The following ZMYND11 variants were observed in gnomAD, a reference collection of about 807,000 sequenced individuals.
ZMYND11 encodes zinc finger MYND-type containing 11.
Under a neutral mutation model 84.9 loss-of-function variants are expected in ZMYND11, and 9 were observed. The ratio of observed to expected loss-of-function variants is 0.11; its 90% CI spans 0.06 to 0.18. ZMYND11 has a LOEUF of 0.18. Among genes scored for constraint, ZMYND11 ranks in the 10% least tolerant of loss-of-function variants. The pLI, the probability that ZMYND11 is intolerant of heterozygous loss-of-function variation, is 1.00. For missense variants in ZMYND11, 409 were observed against 761.0 expected, an observed-to-expected ratio of 0.54 and a Z score of 5.44; for synonymous variants, 250 against 244.1, an observed-to-expected ratio of 1.02 and a Z score of -0.23.
chr10:170,614 G>A (rs892085695), intron 1 of ZMYND11, among the ~76,000 whole-genome samples: 10 of 152,026 alleles, frequency 6.6e-5, no homozygotes, highest in South Asian at 4.1e-4. Context: ...AATGTTATTC[G>A]AAAGTGGACT....
chr10:206,832 A>AT (rs1431868712), intron 2 of ZMYND11, among the ~76,000 whole-genome samples: 1 of 151,752 alleles, frequency 6.6e-6, no homozygotes, highest in Non-Finnish European at 1.5e-5. Flanking sequence ...TTTAATTTTT[A>AT]TTTTTTTAAT....
intron 2 of ZMYND11, among the ~76,000 whole-genome samples, chr10:182,625 G>T (rs1848116729): frequency 6.6e-6 from 1 of 152,192 alleles, no homozygotes. Context: ...GCTCACATCA[G>T]AGCATCCTGT....
At chr10:247,666 C>T (rs565783407) in intron 12 of ZMYND11, among the ~76,000 whole-genome samples, 200 bp downstream of exon 12, 2 of 152,290 alleles carry the variant, frequency 1.3e-5, no homozygotes, top group East Asian at 1.9e-4. Flanking sequence ...CCTGGAATAG[C>T]GTACATGCTC....
chr10:141,606 A>T (rs539940816), intron 1 of ZMYND11, among the ~76,000 whole-genome samples: 185 of 152,322 alleles, frequency 1.2e-3, no homozygotes, highest in African/African-American at 4.3e-3. Context: ...TAACAACCTG[A>T]GGGTTTTTAA....
rs74611540 is a variant in ZMYND11 at position 245,782 on chromosome 10, T to C, written c.951-984T>C. On this transcript the variant is annotated intron_variant, in intron 10 of 14. Coordinates refer to ENST00000381604, the MANE Select transcript of ZMYND11 (RefSeq NM_001370100.5). ...ACCTTTACCACCTGCTGCATTGCATTATAATTATTCCTTAGTTCTTTCTGA... is the reference window on the plus strand; with the variant it reads ...ACCTTTACCACCTGCTGCATTGCATCATAATTATTCCTTAGTTCTTTCTGA... Among the ~76,000 whole-genome samples, 1,262 of 152,326 alleles carry C rather than the reference T, an allele frequency of 8.3e-3. 16 individuals are homozygous for C. Among genetic ancestry groups the C allele is most frequent in the African/African-American group, 0.029 (1,194 of 41,574 alleles).
chr10:160,949 CTTTTTTTTTTTTTTT>C (rs57227207), intron 1 of ZMYND11, among the ~76,000 whole-genome samples: 6 of 102,256 alleles, frequency 5.9e-5, no homozygotes, highest in Non-Finnish European at 1.2e-4. Context: ...AAATTACTTA[CTTTTTTTTTTTTTTT>C]TTTTTTTTTT....
chr10:134,090 C>T (rs1554750826), upstream of ZMYND11, among the ~76,000 whole-genome samples: 2 of 152,126 alleles, frequency 1.3e-5, no homozygotes, highest in African/African-American at 4.8e-5. Flanking sequence ...ACCTGAAACC[C>T]GGGGTAGTGC....
rs931960685 is a variant in ZMYND11 at position 180,031 on chromosome 10, A to G, written c.19A>G (p.Arg7Gly). The change falls in exon 2 of 15, where the codon AGA becomes GGA. Residue 7 changes from arginine to glycine, a missense_variant. Physicochemically the swap from Arg to Gly is moderately radical, Grantham distance 125. This residue lies in a region of ZMYND11 where 73 missense variants were observed against 185.8 expected (regional missense o/e 0.39). Transcript: ENST00000381604. MARLTKRRQADTKAIQH... is the reference protein window; with the variant it reads MARLTKGRQADTKAIQH... ...ACAGGTCATGGCACGTTTAACAAAAAGACGACAGGCGGATACAAAAGCTAT... is the reference window on the plus strand; with the variant it reads ...ACAGGTCATGGCACGTTTAACAAAAGGACGACAGGCGGATACAAAAGCTAT... 1 of 1,613,458 alleles carries G rather than the reference A, an allele frequency of 6.2e-7. No homozygotes were observed.
intron 4 of ZMYND11, among the ~76,000 whole-genome samples, chr10:231,056 A>C (rs914133998): frequency 1.3e-5 from 2 of 152,244 alleles, no homozygotes; most frequent in African/African-American, 2.4e-5. Flanking sequence ...AATTATAAAA[A>C]ATTCAAATTT....
chr10:211,584 C>T (rs188109895), intron 3 of ZMYND11, among the ~76,000 whole-genome samples: 48 of 152,246 alleles, frequency 3.2e-4, no homozygotes, highest in Non-Finnish European at 6.5e-4. Flanking sequence ...AAGGTATAAA[C>T]TTAGAAAAGC....
In ZMYND11 at chr10:242,048, A is replaced by G; in HGVS notation, c.859A>G (p.Lys287Glu). The G allele has an allele frequency of 6.2e-7, 1 of 1,614,174 alleles. No individual in the cohort carries two copies. The highest frequency in any genetic ancestry group is 8.5e-7 in the Non-Finnish European group (1 of 1,180,012). Reference sequence around the variant, plus strand: ...ACCTAATCATGAGCTGGTTTGGGCTAAAATGAAAGGTTTTGGGTTTTGGCC... The same window carrying G: ...ACCTAATCATGAGCTGGTTTGGGCTGAAATGAAAGGTTTTGGGTTTTGGCC... ...CIPNHELVWA[K>E]MKGFGFWPAK... The change falls in exon 10 of 15, where the codon AAA becomes GAA. Residue 287 changes from lysine to glutamate, a missense_variant. Transcript: ENST00000381604.
chr10:178,587 A>G (rs911730577), intron 1 of ZMYND11, among the ~76,000 whole-genome samples: 1 of 152,156 alleles, frequency 6.6e-6, no homozygotes, highest in Non-Finnish European at 1.5e-5. Context: ...CTAAGTTATA[A>G]TTTTTATATT....
chr10:161,325 CTGT>C (rs1564292588), intron 1 of ZMYND11, among the ~76,000 whole-genome samples: 2 of 152,202 alleles, frequency 1.3e-5, no homozygotes, highest in Admixed American at 6.5e-5. Context: ...GTAAACCATT[CTGT>C]TAACAGACAT....
intron 2 of ZMYND11, among the ~76,000 whole-genome samples, chr10:205,837 T>C (rs1023653550): frequency 2.0e-5 from 3 of 152,140 alleles, no homozygotes; most frequent in African/African-American, 7.2e-5. Flanking sequence ...GGTTTTCTGG[T>C]TTTGTTATTA....
At chr10:197,002 A>G (rs533944778) in intron 2 of ZMYND11, among the ~76,000 whole-genome samples, 20 of 151,002 alleles carry the variant, frequency 1.3e-4, no homozygotes, top group African/African-American at 4.1e-4. Context: ...ATGTGTATCA[A>G]TACATACGCA....
chr10:252,588 CT>C lies in ZMYND11; in HGVS notation c.*122del. ...CCCATTTTGCACCAGCCTTTAAACA[CT>C]TTTCGTGAAGAAATTTTGCACAGTA... On this transcript the variant is annotated 3_prime_UTR_variant, in exon 15 of 15. Coordinates refer to ENST00000381604, the MANE Select transcript of ZMYND11 (RefSeq NM_001370100.5). The surrounding 1 kb of genome is among the most constrained non-coding windows in gnomAD (Gnocchi z 4.6). 1 of 1,405,190 alleles carries C rather than the reference CT, an allele frequency of 7.1e-7. No individual in the cohort carries two copies. Among genetic ancestry groups the C allele is most frequent in the Non-Finnish European group, 9.3e-7 (1 of 1,069,912 alleles). 87.0% of individuals were successfully genotyped at this position (1,405,190 alleles called of 1,614,324 possible).
chr10:229,737 T>TACTCC, intron 4 of ZMYND11, among the ~76,000 whole-genome samples: 1 of 152,244 alleles, frequency 6.6e-6, no homozygotes, highest in Admixed American at 6.5e-5. Flanking sequence ...GCTACTTGAG[T>TACTCC]CTTAGTGGTT....
intron 2 of ZMYND11, among the ~76,000 whole-genome samples, chr10:182,055 A>G (rs962678762): frequency 1.3e-5 from 2 of 152,200 alleles, no homozygotes; most frequent in Non-Finnish European, 2.9e-5. Context: ...TGTAAACATG[A>G]CAGCCGTTTC....
chr10:247,922 A>G (rs989858661), intron 12 of ZMYND11, among the ~76,000 whole-genome samples: 1 of 152,236 alleles, frequency 6.6e-6, no homozygotes, highest in African/African-American at 2.4e-5. Context: ...CACATTTCAA[A>G]CACATATTCA....
Sources: allele counts gnomAD v4.1 joint callset (sites outside exome capture counted in the v4.1 genomes callset), GRCh38; gene constraint gnomAD v4.1.1; regional missense constraint gnomAD v4.1.1; non-coding constraint Gnocchi (gnomAD v3.1); transcripts MANE v1.5; gene names NCBI Gene and HGNC (gene_info 2026-07-23, HGNC 2026-07-21).